The following SPAG9 variants were observed in gnomAD, a reference collection of about 807,000 sequenced individuals.
SPAG9 encodes the protein sperm associated antigen 9.
SPAG9 carries 35 observed loss-of-function variants against 166.5 expected under a neutral mutation model. The ratio of observed to expected loss-of-function variants is 0.21; its 90% CI spans 0.16 to 0.28. The LOEUF (loss-of-function observed/expected upper bound fraction) is 0.28. SPAG9 is among the 10% of genes least tolerant of loss of function. The probability of loss-of-function intolerance (pLI) is 1.00; values close to 1 mark genes in which losing one functional copy is unlikely to be tolerated. For synonymous variants in SPAG9, 534 were observed against 565.5 expected, an observed-to-expected ratio of 0.94 and a Z score of 0.79; for missense variants, 1,235 against 1,603.3, an observed-to-expected ratio of 0.77 and a Z score of 3.92.
chr17:51,095,080 G>A (rs1012365376), intron 1 of SPAG9, among the ~76,000 whole-genome samples: 4 of 152,048 alleles, frequency 2.6e-5, no homozygotes, highest in Non-Finnish European at 2.9e-5. Context: ...TGGATCACGA[G>A]GTCAGGAGAT....
chr17:51,120,684 G>T lies in SPAG9; in HGVS notation c.-28C>A, dbSNP rs1598218067. Reference sequence around the variant, plus strand: ...TGGCAAGCGGACGGGCGGGCGGCCCGGGGCGTCGCCGGCAGAGGGGCGGCA... The same window carrying T: ...TGGCAAGCGGACGGGCGGGCGGCCCTGGGCGTCGCCGGCAGAGGGGCGGCA... On this transcript the variant is annotated 5_prime_UTR_variant, in exon 1 of 30. Coordinates refer to ENST00000262013, the MANE Select transcript of SPAG9 (RefSeq NM_001130528.3). The surrounding 1 kb of genome is among the most constrained non-coding windows in gnomAD (Gnocchi z 4.7). 3 of 1,540,010 alleles carry T rather than the reference G, an allele frequency of 1.9e-6. No individual in the cohort carries two copies. The highest frequency in any genetic ancestry group is 4.9e-5 in the East Asian group (2 of 40,980).
At chr17:51,065,571 G>C (rs2047639741) in intron 2 of SPAG9, among the ~76,000 whole-genome samples, 2 of 152,184 alleles carry the variant, frequency 1.3e-5, no homozygotes, top group South Asian at 4.1e-4. Flanking sequence ...GCCTTAGGCA[G>C]AATCATTCCT....
chr17:51,086,358 C>T (rs1161793274), intron 1 of SPAG9, among the ~76,000 whole-genome samples: 1 of 151,894 alleles, frequency 6.6e-6, no homozygotes, highest in East Asian at 1.9e-4. Flanking sequence ...ATGCTAATCA[C>T]AGCCATGTGC....
At chr17:51,077,033 T>TCTATCTTATCTAG (rs2048012694) in intron 2 of SPAG9, among the ~76,000 whole-genome samples, 2 of 94,488 alleles carry the variant, frequency 2.1e-5, no homozygotes, top group African/African-American at 3.8e-5. Flanking sequence ...TAGCTATCTA[T>TCTATCTTATCTAG]CTAGCTATCT....
intron 1 of SPAG9, among the ~76,000 whole-genome samples, chr17:51,090,398 G>A (rs1343824515): frequency 6.6e-6 from 1 of 152,130 alleles, no homozygotes; most frequent in Non-Finnish European, 1.5e-5. Flanking sequence ...GCAGATGCCT[G>A]TAATCCCAGG....
chr17:51,003,769 G>C (rs967442210), intron 12 of SPAG9, among the ~76,000 whole-genome samples: 5 of 152,146 alleles, frequency 3.3e-5, no homozygotes, highest in African/African-American at 1.2e-4. Flanking sequence ...TATAGAAACT[G>C]GGCCTCTCCT....
At chr17:51,057,363 G>A (rs2047389540) in intron 2 of SPAG9, among the ~76,000 whole-genome samples, 1 of 152,186 alleles carries the variant, frequency 6.6e-6, no homozygotes, top group Non-Finnish European at 1.5e-5. Flanking sequence ...TACTCATTTA[G>A]TCTGTTGGAA....
At chr17:51,052,694 A>G (rs945782787) in intron 3 of SPAG9, among the ~76,000 whole-genome samples, 2 of 152,152 alleles carry the variant, frequency 1.3e-5, no homozygotes, top group Non-Finnish European at 2.9e-5. Flanking sequence ...TCTTTATAGA[A>G]GCGTATCTTC....
At chr17:50,990,953 G>A (rs1400784526) in intron 19 of SPAG9, among the ~76,000 whole-genome samples, 2 of 150,738 alleles carry the variant, frequency 1.3e-5, no homozygotes, top group African/African-American at 4.9e-5. Flanking sequence ...TGTCGCCCAG[G>A]CTGGAGTACA....
chr17:50,970,351 T>C (rs1407426206), intron 29 of SPAG9, among the ~76,000 whole-genome samples: 1 of 151,994 alleles, frequency 6.6e-6, no homozygotes, highest in African/African-American at 2.4e-5. Context: ...TTGTCTCTAC[T>C]GAAAATACAG....
At chr17:51,112,618 C>T (rs553009389) in intron 1 of SPAG9, among the ~76,000 whole-genome samples, 2 of 141,120 alleles carry the variant, frequency 1.4e-5, no homozygotes, top group African/African-American at 5.4e-5. Flanking sequence ...TTGCAGCAAG[C>T]CAAGACACTC....
chr17:50,994,943 G>A, intron 18 of SPAG9, 114 bp downstream of exon 18: 1 of 707,138 alleles, frequency 1.4e-6, no homozygotes, highest in Non-Finnish European at 2.4e-6. Flanking sequence ...CTGAGGGACA[G>A]TAAGCCAGGG....
chr17:51,035,541 A>G (rs1205415424), intron 5 of SPAG9, among the ~76,000 whole-genome samples: 1 of 152,238 alleles, frequency 6.6e-6, no homozygotes, highest in Non-Finnish European at 1.5e-5. Context: ...ACTTAACCAC[A>G]AATGGAGGAG....
At chr17:51,077,033 T>TAGCTAG (rs1568065402) in intron 2 of SPAG9, among the ~76,000 whole-genome samples, 3 of 94,482 alleles carry the variant, frequency 3.2e-5, no homozygotes, top group African/African-American at 7.7e-5. Context: ...TAGCTATCTA[T>TAGCTAG]CTAGCTATCT....
intron 18 of SPAG9, 151 bp downstream of exon 18, chr17:50,994,906 T>A (rs529765710): frequency 1.7e-6 from 1 of 583,362 alleles, no homozygotes; most frequent in South Asian, 2.6e-5. Flanking sequence ...TATACCTCAA[T>A]ATTTTAAAAT....
intron 1 of SPAG9, among the ~76,000 whole-genome samples, chr17:51,101,399 T>C (rs906186966): frequency 6.6e-6 from 1 of 150,924 alleles, no homozygotes; most frequent in African/African-American, 2.4e-5. Flanking sequence ...TGCTACACTT[T>C]GAAAAAACTG....
chr17:51,108,241 G>C (rs555841905), intron 1 of SPAG9, among the ~76,000 whole-genome samples: 2 of 152,022 alleles, frequency 1.3e-5, no homozygotes, highest in South Asian at 2.1e-4. Context: ...ACAAAAATTA[G>C]CTGGGTGTGG....
At chr17:51,047,012 A>AC (rs767996944) in intron 4 of SPAG9, 12 of 1,180,242 alleles carry the variant, frequency 1.0e-5, no homozygotes, top group Non-Finnish European at 1.2e-5. Context: ...TGGCTAGCTA[A>AC]CCCTTTCAAA....
chr17:51,108,688 G>T (rs1406582787), intron 1 of SPAG9, among the ~76,000 whole-genome samples: 2 of 151,950 alleles, frequency 1.3e-5, no homozygotes, highest in African/African-American at 4.8e-5. Context: ...GTAAAGATAC[G>T]GTCTCACTAT....
Sources: allele counts gnomAD v4.1 joint callset (sites outside exome capture counted in the v4.1 genomes callset), GRCh38; gene constraint gnomAD v4.1.1; non-coding constraint Gnocchi (gnomAD v3.1); transcripts MANE v1.5; gene names NCBI Gene and HGNC (gene_info 2026-07-23, HGNC 2026-07-21).